The following MAGI2 variants were observed in gnomAD, a reference collection of about 807,000 sequenced individuals.
MAGI2 encodes membrane associated guanylate kinase, WW and PDZ domain containing 2, also known as membrane-associated guanylate kinase, WW and PDZ domain-containing protein 2.
MAGI2 carries 35 observed loss-of-function variants against 133.3 expected under a neutral mutation model. The ratio of observed to expected loss-of-function variants is 0.26; its 90% CI spans 0.20 to 0.35. MAGI2 has a LOEUF of 0.35. Among genes scored for constraint, MAGI2 ranks in the 10% least tolerant of loss-of-function variants. The pLI is 1.00. For missense variants in MAGI2, 1,636 were observed against 1,863.4 expected (o/e 0.88, Z 2.25); for synonymous variants, 729 against 710.6 (o/e 1.03, Z -0.41).
Position 78,137,194 on chromosome 7 carries a change from A to C in MAGI2, c.2846-1988T>G, listed in dbSNP as rs144538947. On this transcript the variant is annotated intron_variant, in intron 16 of 21. Coordinates refer to ENST00000354212, the MANE Select transcript of MAGI2 (RefSeq NM_012301.4). ...CTGTTTTTGCCCCCTTTCATGTTCA[A>C]CAGTGTCTCGGAATGAATGGTTCAT... Among the ~76,000 whole-genome samples the C allele has an allele frequency of 1.7e-3, 257 of 152,308 alleles. 1 individual carries two copies. The highest frequency in any genetic ancestry group is 6.0e-3 in the African/African-American group (251 of 41,568).
chr7:78,249,392 CA>C (rs772386438), intron 10 of MAGI2, among the ~76,000 whole-genome samples: 1 of 152,012 alleles, frequency 6.6e-6, no homozygotes, highest in Non-Finnish European at 1.5e-5. Flanking sequence ...GAATATGTCA[CA>C]AAGTTATCTT....
chr7:78,677,088 A>G (rs1305967797), intron 2 of MAGI2, among the ~76,000 whole-genome samples: 1 of 151,964 alleles, frequency 6.6e-6, no homozygotes, highest in African/African-American at 2.4e-5. Flanking sequence ...TCTAATTTTC[A>G]TACCTTCTTT....
chr7:78,121,019 A>T (rs990963976), intron 20 of MAGI2, among the ~76,000 whole-genome samples: 3 of 150,730 alleles, frequency 2.0e-5, no homozygotes, highest in Non-Finnish European at 4.4e-5. Context: ...AAAAAAAAAA[A>T]AATAATGATG....
chr7:78,962,731 T>C (rs1802955986), intron 2 of MAGI2, among the ~76,000 whole-genome samples: 1 of 152,028 alleles, frequency 6.6e-6, no homozygotes, highest in Non-Finnish European at 1.5e-5. Context: ...ATTCAATTCA[T>C]TTAACTTAGT....
intron 1 of MAGI2, among the ~76,000 whole-genome samples, chr7:79,389,820 C>T (rs1453488799): frequency 6.6e-6 from 1 of 151,946 alleles, no homozygotes; most frequent in African/African-American, 2.4e-5. Flanking sequence ...TGGCTGGGAC[C>T]AGTTTGGGTT....
chr7:79,159,982 G>T (rs888594191), intron 1 of MAGI2, among the ~76,000 whole-genome samples: 11 of 152,144 alleles, frequency 7.2e-5, no homozygotes, highest in African/African-American at 2.6e-4. Flanking sequence ...TACTTAAGAA[G>T]GTACTTATCA....
At position 78,604,217 on chromosome 7, in the gene MAGI2, T is replaced by C. The variant is rs10250270; in HGVS notation, c.538+22903A>G. On this transcript the variant is annotated intron_variant, in intron 3 of 21. Coordinates refer to ENST00000354212, the MANE Select transcript of MAGI2 (RefSeq NM_012301.4). ...GGACAGGGAAGTATGAACAGGAAAG[T>C]TCTTTAGACAAAGAGAACAGTAGGT... 4.3e-3 allele frequency among the ~76,000 whole-genome samples: 650 copies of C among 152,224 alleles called. 1 individual carries two copies. Among genetic ancestry groups the C allele is most frequent in the African/African-American group, 0.015 (613 of 41,524 alleles).
intron 1 of MAGI2, among the ~76,000 whole-genome samples, chr7:79,145,101 A>G (rs1822491446): frequency 6.6e-6 from 1 of 152,078 alleles, no homozygotes; most frequent in African/African-American, 2.4e-5. Flanking sequence ...TAGGATTGGG[A>G]AGTTGTTATT....
At chr7:78,095,654 A>G (rs1817628780) in intron 20 of MAGI2, among the ~76,000 whole-genome samples, 1 of 152,144 alleles carries the variant, frequency 6.6e-6, no homozygotes. Context: ...GGCATATATG[A>G]TACCTTTTTC....
chr7:79,210,541 A>G (rs1018459845), intron 1 of MAGI2, among the ~76,000 whole-genome samples: 1 of 152,048 alleles, frequency 6.6e-6, no homozygotes, highest in Non-Finnish European at 1.5e-5. Context: ...GTTGAATAAC[A>G]TCTTAACTTA....
At chr7:79,138,976 C>CAAAAAAAAAAAAAAAAAAAAAAAAAAA (rs57907314) in intron 1 of MAGI2, among the ~76,000 whole-genome samples, 1 of 65,186 alleles carries the variant, frequency 1.5e-5, no homozygotes, top group Non-Finnish European at 3.0e-5. Context: ...ACTCTTGTCT[C>CAAAAAAAAAAAAAAAAAAAAAAAAAAA]AAAAAAAAAA....
intron 1 of MAGI2, among the ~76,000 whole-genome samples, chr7:79,368,886 A>G (rs1001960450): frequency 2.0e-5 from 3 of 150,140 alleles, no homozygotes; most frequent in African/African-American, 7.3e-5. Flanking sequence ...AGTCTATTGT[A>G]AAATCTATTA....
chr7:78,533,318 G>A (rs1465243424), intron 3 of MAGI2, among the ~76,000 whole-genome samples: 7 of 152,156 alleles, frequency 4.6e-5, no homozygotes, highest in Admixed American at 4.6e-4. Context: ...GAGCACAGTA[G>A]GGAAAGAAAT....
chr7:78,189,685 A>G lies in MAGI2; in HGVS notation c.2270-4015T>C, dbSNP rs373884464. On this transcript the variant is annotated intron_variant, in intron 12 of 21. Coordinates refer to ENST00000354212, the MANE Select transcript of MAGI2 (RefSeq NM_012301.4). ...AAACCAAGGGACAGAACCCTGAGGG[A>G]AGAGTTTCAGGAAATAAGAATTTTT... Among the ~76,000 whole-genome samples, 11 of 152,342 alleles carry G rather than the reference A, an allele frequency of 7.2e-5. No homozygotes were observed. The East Asian group carries it at 1.4e-3, about 19-fold the overall frequency.
intron 6 of MAGI2, among the ~76,000 whole-genome samples, chr7:78,423,212 C>T (rs1339500212): frequency 6.6e-6 from 1 of 152,056 alleles, no homozygotes; most frequent in African/African-American, 2.4e-5. Flanking sequence ...GTGATCTTCT[C>T]GTGATAGCGA....
At chr7:78,101,889 T>C (rs1818238487) in intron 20 of MAGI2, among the ~76,000 whole-genome samples, 1 of 152,174 alleles carries the variant, frequency 6.6e-6, no homozygotes, top group Non-Finnish European at 1.5e-5. Context: ...GAAATCAGAA[T>C]CTTGAAGAAA....
At chr7:78,156,453 T>A (rs947571297) in intron 16 of MAGI2, among the ~76,000 whole-genome samples, 3 of 152,024 alleles carry the variant, frequency 2.0e-5, no homozygotes, top group African/African-American at 7.2e-5. Context: ...GCTGGTGGAA[T>A]GAAAGATAAT....
At chr7:78,318,416 A>G (rs1787650683) in intron 9 of MAGI2, among the ~76,000 whole-genome samples, 1 of 152,178 alleles carries the variant, frequency 6.6e-6, no homozygotes, top group Non-Finnish European at 1.5e-5. Context: ...AGAAGACAAG[A>G]TTAGAGAAAA....
intron 2 of MAGI2, among the ~76,000 whole-genome samples, chr7:78,707,070 C>A (rs1423925916): frequency 6.6e-6 from 1 of 152,058 alleles, no homozygotes; most frequent in Non-Finnish European, 1.5e-5. Flanking sequence ...CTACTAAAAC[C>A]CCCACCTGTA....
Sources: allele counts gnomAD v4.1 joint callset (sites outside exome capture counted in the v4.1 genomes callset), GRCh38; gene constraint gnomAD v4.1.1; transcripts MANE v1.5; gene names NCBI Gene and HGNC (gene_info 2026-07-23, HGNC 2026-07-21).